PLCH2: variants seen among roughly 807,000 people sequenced by gnomAD.
The protein encoded by PLCH2 is 1-phosphatidylinositol 4,5-bisphosphate phosphodiesterase eta-2.
PLCH2 carries 98 observed loss-of-function variants against 134.7 expected under a neutral mutation model. The ratio of observed to expected loss-of-function variants is 0.73; its 90% CI spans 0.62 to 0.86. The LOEUF (loss-of-function observed/expected upper bound fraction) is 0.86, where lower values mean the gene tolerates loss of function less well. Among genes scored for constraint, PLCH2 ranks in the 40% least tolerant of loss-of-function variants. The probability of loss-of-function intolerance (pLI) is 0.00; values close to 1 mark genes in which losing one functional copy is unlikely to be tolerated. For synonymous variants in PLCH2, 974 were observed against 827.5 expected (o/e 1.18, Z -3.04); for missense variants, 1,994 against 1,986.6 (o/e 1.00, Z -0.07).
chr1:2,502,121 G>C lies in PLCH2; in HGVS notation c.2671G>C (p.Ala891Pro). 6.9e-7 allele frequency: 1 copy of C among 1,449,588 alleles called. No homozygotes were observed. Among genetic ancestry groups the C allele is most frequent in the Non-Finnish European group, 9.1e-7 (1 of 1,104,946 alleles). 89.8% of individuals were successfully genotyped at this position (1,449,588 alleles called of 1,614,324 possible). A position where few individuals can be genotyped will look rare whatever the true frequency, so the allele number is the denominator to read the frequency against. The change falls in exon 21 of 22, where the codon GCT (alanine) becomes CCT (proline). Residue 891 changes from alanine (A) to proline (P), a missense_variant. By Grantham distance (27) the Ala-to-Pro change is conservative. Coordinates refer to ENST00000378486, the MANE Select transcript of PLCH2 (RefSeq NM_014638.4). Reference sequence around the variant, plus strand: ...GCTCCTTCTCTTGCAGGTCAAGCAGGCTCTGGGCCTAAAAGGCCTCTTCCT... The same window carrying C: ...GCTCCTTCTCTTGCAGGTCAAGCAGCCTCTGGGCCTAAAAGGCCTCTTCCT... ...VSDISGKVKQALGLKGLFLRG... is the reference protein window; with the variant it reads ...VSDISGKVKQPLGLKGLFLRG...
In PLCH2 at chr1:2,494,922, G is replaced by T; in HGVS notation, c.1726G>T (p.Val576Phe). The stretch of plus-strand genomic sequence containing the variant: ...GGCCAGCAGACGCAATGGCCGCCTC[G>T]TCGTGGGAAGCTTCTCCAGGCGCAA... ...AGASRRNGRL[V>F]VGSFSRRKKK... Residue 576 changes from valine (V) to phenylalanine (F), a missense_variant, in exon 12 of 22, where the codon GTC becomes TTC. Transcript: ENST00000378486. The T allele has an allele frequency of 6.2e-7, 1 of 1,600,174 alleles. No homozygotes were observed. The highest frequency in any genetic ancestry group is 8.5e-7 in the Non-Finnish European group (1 of 1,175,268).
chr1:2,472,624 G>A (rs1461897885), upstream of PLCH2, among the ~76,000 whole-genome samples: 2 of 152,236 alleles, frequency 1.3e-5, no homozygotes, highest in African/African-American at 4.8e-5. Flanking sequence ...GTGACGGTCA[G>A]GCCAATGCCA....
chr1:2,447,495 G>A (rs180970922), intron 2 of PLCH2, among the ~76,000 whole-genome samples: 1 of 152,326 alleles, frequency 6.6e-6, no homozygotes, highest in Admixed American at 6.5e-5. Flanking sequence ...CATAGTGGGT[G>A]GAGATTCCAC....
chr1:2,434,451 T>A (rs1387850417), intron 2 of PLCH2, among the ~76,000 whole-genome samples: 1 of 152,236 alleles, frequency 6.6e-6, no homozygotes, highest in Non-Finnish European at 1.5e-5. Context: ...TCTCCTCAGC[T>A]GTATCCAGAA....
At chr1:2,495,928 G>A (rs978529315) in intron 13 of PLCH2, among the ~76,000 whole-genome samples, 1 of 152,110 alleles carries the variant, frequency 6.6e-6, no homozygotes, top group Admixed American at 6.5e-5. Context: ...CCCTCTTCCC[G>A]TCCAGTCAGG....
rs1570483077 is a variant in PLCH2 at position 2,498,888 on chromosome 1, G to A, written c.2434+60G>A. 4 of 1,446,116 alleles carry A rather than the reference G, an allele frequency of 2.8e-6. No homozygotes were observed. The South Asian group carries it at 4.8e-5, about 17-fold the overall frequency. The allele number at this position is 1,446,116 out of a possible 1,614,324, so 89.6% of individuals were successfully genotyped here. On this transcript the variant is annotated intron_variant, in intron 18 of 21. Transcript: ENST00000378486. This position sits in a 1 kb window ranked among gnomAD's most constrained non-coding sequence, Gnocchi z 5.4. ...TGGAAGTCTGAGGGGGGAGGGTTGG[G>A]GCTACCTGGTGTGCCCGGGTGCCCT...
At chr1:2,454,643 C>T (rs922159025) in intron 2 of PLCH2, among the ~76,000 whole-genome samples, 3 of 152,106 alleles carry the variant, frequency 2.0e-5, no homozygotes, top group South Asian at 2.1e-4. Flanking sequence ...GTGAGGCCTC[C>T]GAGTGGGGAG....
upstream of PLCH2, among the ~76,000 whole-genome samples, chr1:2,466,135 G>A (rs542245517): frequency 6.6e-6 from 1 of 152,290 alleles, no homozygotes; most frequent in East Asian, 1.9e-4. Flanking sequence ...AGCCCCCATT[G>A]TGGCCTGGCC....
At chr1:2,461,425 A>G (rs1285277691) in intron 2 of PLCH2, among the ~76,000 whole-genome samples, 1 of 152,174 alleles carries the variant, frequency 6.6e-6, no homozygotes, top group Non-Finnish European at 1.5e-5. Context: ...TGCTGCTAGC[A>G]GGGCGGGCTG....
At chr1:2,474,187 T>C (rs1423588443), upstream of PLCH2, among the ~76,000 whole-genome samples, 1 of 152,066 alleles carries the variant, frequency 6.6e-6, no homozygotes, top group Non-Finnish European at 1.5e-5. Context: ...GGGGCTGGGC[T>C]GGGCCCTGGG....
At chr1:2,460,645 G>C (rs1423077793) in intron 2 of PLCH2, among the ~76,000 whole-genome samples, 1 of 152,234 alleles carries the variant, frequency 6.6e-6, no homozygotes, top group Non-Finnish European at 1.5e-5. Context: ...GCGGCACCCA[G>C]GTGTAAGCTG....
chr1:2,462,117 C>A (rs1640836500), intron 2 of PLCH2, among the ~76,000 whole-genome samples: 1 of 130,864 alleles, frequency 7.6e-6, no homozygotes, highest in African/African-American at 3.1e-5. Flanking sequence ...CCGCCTGACA[C>A]CCCTCCGCCT....
At chr1:2,441,076 A>C (rs1436838045) in intron 2 of PLCH2, among the ~76,000 whole-genome samples, 1 of 152,052 alleles carries the variant, frequency 6.6e-6, no homozygotes, top group East Asian at 1.9e-4. Context: ...GGTGCCCAGG[A>C]AGTGGAGGGG....
intron 4 of PLCH2, among the ~76,000 whole-genome samples, chr1:2,482,549 C>T (rs1209948215): frequency 6.6e-6 from 1 of 152,230 alleles, no homozygotes. Flanking sequence ...CTCATCCCAG[C>T]CTTGGTGTGG....
intron 1 of PLCH2, among the ~76,000 whole-genome samples, chr1:2,427,258 C>T (rs1373078089): frequency 1.3e-5 from 2 of 152,248 alleles, no homozygotes; most frequent in Admixed American, 6.5e-5. Context: ...CGCCCTGGGG[C>T]CAGGAGGGCA....
At chr1:2,460,161 C>G (rs1264779890) in intron 2 of PLCH2, among the ~76,000 whole-genome samples, 1 of 152,286 alleles carries the variant, frequency 6.6e-6, no homozygotes, top group Non-Finnish European at 1.5e-5. Context: ...ATGGGACTGG[C>G]CCTTCATGTC....
chr1:2,443,687 G>A (rs988022749), intron 2 of PLCH2, among the ~76,000 whole-genome samples: 1 of 148,778 alleles, frequency 6.7e-6, no homozygotes, highest in Admixed American at 6.7e-5. Flanking sequence ...CCGCGCCCCC[G>A]GCCCCCTCCC....
chr1:2,423,182 TTTGTTTG>T (rs1418784351), upstream of PLCH2, among the ~76,000 whole-genome samples: 1 of 151,890 alleles, frequency 6.6e-6, no homozygotes. Context: ...TGTTTGTTTG[TTTGTTTG>T]TTGTTTGTTT....
At position 2,478,610 on chromosome 1, in the gene PLCH2, GA is replaced by G. The variant is rs1557996122; in HGVS notation, c.260del (p.Glu87GlyfsTer13). ...CIRWRPSRKN[E>X]KAKISIDSIQ... ...CCGCTGGAGGCCCTCACGCAAGAAC[GA>G]GAAGGCCAAGAGTGAGTGGGAGCCC... On this transcript the variant is annotated frameshift_variant, in exon 2 of 22. Transcript: ENST00000378486. LOFTEE classifies it high-confidence loss of function. 3.7e-6 allele frequency: 6 copies of G among 1,610,150 alleles called. No individual in the cohort carries two copies. The highest frequency in any genetic ancestry group is 5.1e-6 in the Non-Finnish European group (6 of 1,178,784).
Sources: allele counts gnomAD v4.1 joint callset (sites outside exome capture counted in the v4.1 genomes callset), GRCh38; gene constraint gnomAD v4.1.1; non-coding constraint Gnocchi (gnomAD v3.1); transcripts MANE v1.5; gene names NCBI Gene and HGNC (gene_info 2026-07-23, HGNC 2026-07-21).